DHX35: variants seen among roughly 807,000 people sequenced by gnomAD.
DHX35 encodes the protein DEAH-box helicase 35, also known as probable ATP-dependent RNA helicase DHX35.
Under a neutral mutation model 99.6 loss-of-function variants are expected in DHX35, and 84 were observed. The ratio of observed to expected loss-of-function variants is 0.84; its 90% CI spans 0.71 to 1.01. DHX35 has a LOEUF of 1.01. DHX35 is among the 50% of genes least tolerant of loss of function. The probability of loss-of-function intolerance (pLI) is 0.00; values close to 1 mark genes in which losing one functional copy is unlikely to be tolerated. For missense variants in DHX35, 852 were observed against 888.5 expected, an observed-to-expected ratio of 0.96 and a Z score of 0.52; for synonymous variants, 331 against 316.2, an observed-to-expected ratio of 1.05 and a Z score of -0.50.
rs147663690 is a variant in DHX35, at chr20:38,980,374, A to G, written c.268-3325A>G. Reference sequence around the variant, plus strand: ...GGCCTCTTTGTTTCCTCATCTGTGTATTGTTGATGATGATGTTACCTTCCT... The same window carrying G: ...GGCCTCTTTGTTTCCTCATCTGTGTGTTGTTGATGATGATGTTACCTTCCT... On this transcript the variant is annotated intron_variant, in intron 3 of 21. Transcript: ENST00000252011. Among the ~76,000 whole-genome samples the G allele has an allele frequency of 4.5e-3, 689 of 152,138 alleles. 20 individuals carry two copies. The highest frequency in any genetic ancestry group is 0.04 in the Admixed American group (610 of 15,270).
intron 13 of DHX35, among the ~76,000 whole-genome samples, chr20:39,013,121 T>C (rs1212210347): frequency 1.3e-5 from 2 of 151,806 alleles, no homozygotes; most frequent in Non-Finnish European, 2.9e-5. Flanking sequence ...TTTTGGACAG[T>C]TGAAAAATGA....
At chr20:39,019,744 C>T (rs1306853121) in intron 15 of DHX35, among the ~76,000 whole-genome samples, 4 of 152,114 alleles carry the variant, frequency 2.6e-5, no homozygotes, top group Non-Finnish European at 5.9e-5. Flanking sequence ...AAATTCTATT[C>T]TCTTAGCAAT....
chr20:39,017,406 C>G (rs2086804050), intron 14 of DHX35, among the ~76,000 whole-genome samples: 1 of 152,140 alleles, frequency 6.6e-6, no homozygotes, highest in Non-Finnish European at 1.5e-5. Context: ...AGCACATTTC[C>G]TGGGCTGATC....
Position 38,962,376 on chromosome 20 carries a change from G to A in DHX35, c.9G>A (p.Ala3=). 2 of 1,612,524 alleles carry A rather than the reference G, an allele frequency of 1.2e-6. No individual in the cohort carries two copies. Residue 3 remains alanine, a synonymous_variant, in exon 1 of 22, where the codon GCG becomes GCA. Coordinates refer to ENST00000252011, the MANE Select transcript of DHX35 (RefSeq NM_021931.4). ...TGACCTTTTACCCCAACATGGCTGC[G>A]CCCGTGGGACCGGTGAAGTTCTGGC... is the stretch of plus-strand genomic sequence containing the variant. MA[A]PVGPVKFWRP... is the part of the protein sequence containing the mutation.
At chr20:38,972,005 T>G (rs2086006708) in intron 2 of DHX35, among the ~76,000 whole-genome samples, 1 of 71,528 alleles carries the variant, frequency 1.4e-5, no homozygotes, top group Non-Finnish European at 2.7e-5. Context: ...TTTTGTTTTG[T>G]TTTTTTTTTT....
At position 38,988,923 on chromosome 20, in the gene DHX35, G is replaced by A. The variant is rs1263641395; in HGVS notation, c.450+6G>A. On this transcript the variant is annotated splice_donor_region_variant and intron_variant, in intron 5 of 21. Coordinates refer to ENST00000252011, the MANE Select transcript of DHX35 (RefSeq NM_021931.4). ...AGCTGGCCACGAGAATTAAGGTAAA[G>A]TGCTCAAGCTGCTTTTCCTAGTGGA... The A allele has an allele frequency of 6.2e-7, 1 of 1,611,014 alleles. No homozygotes were observed. Among genetic ancestry groups the A allele is most frequent in the East Asian group, 2.2e-5 (1 of 44,720 alleles).
intron 1 of DHX35, among the ~76,000 whole-genome samples, chr20:38,966,561 C>G (rs1029680944): frequency 6.6e-6 from 1 of 152,136 alleles, no homozygotes; most frequent in African/African-American, 2.4e-5. Flanking sequence ...CCCAGCTACT[C>G]GGGATGCCCA....
At chr20:39,014,309 C>G (rs2086748158) in intron 13 of DHX35, among the ~76,000 whole-genome samples, 1 of 152,176 alleles carries the variant, frequency 6.6e-6, no homozygotes, top group African/African-American at 2.4e-5. Flanking sequence ...CAGACTGAGG[C>G]TCACTACATC....
intron 15 of DHX35, among the ~76,000 whole-genome samples, chr20:39,019,436 A>G (rs560945532): frequency 1.3e-5 from 2 of 152,314 alleles, no homozygotes; most frequent in African/African-American, 4.8e-5. Context: ...GGTTGCTTCT[A>G]ACTTTTGGCT....
intron 20 of DHX35, among the ~76,000 whole-genome samples, chr20:39,031,135 C>T (rs990646169): frequency 1.3e-5 from 2 of 151,562 alleles, no homozygotes; most frequent in African/African-American, 4.9e-5. Context: ...GCACTCTAGC[C>T]TGGGTGACAG....
intron 12 of DHX35, among the ~76,000 whole-genome samples, chr20:39,007,565 G>T (rs1378188205): frequency 6.6e-6 from 1 of 152,190 alleles, no homozygotes; most frequent in Admixed American, 6.5e-5. Context: ...ATCCTTCTGG[G>T]GATTTGGGGA....
At chr20:38,989,835 T>A (rs964611543) in intron 5 of DHX35, among the ~76,000 whole-genome samples, 2 of 152,176 alleles carry the variant, frequency 1.3e-5, no homozygotes, top group Non-Finnish European at 2.9e-5. Flanking sequence ...ACAGGGTGTG[T>A]ACTACCTACC....
chr20:39,039,512 G>A lies in DHX35; in HGVS notation c.*969G>A, dbSNP rs2087211947. On this transcript the variant is annotated 3_prime_UTR_variant, in exon 22 of 22. Coordinates refer to ENST00000252011, the MANE Select transcript of DHX35 (RefSeq NM_021931.4). ...TGCATTTCAACACATGCCAGATGCA[G>A]ATTTTTTCCCCCTTACTGTTTCAAT... The A allele has an allele frequency of 6.6e-6, 1 of 152,382 alleles. No individual in the cohort carries two copies. Among genetic ancestry groups the A allele is most frequent in the Non-Finnish European group, 1.5e-5 (1 of 68,034 alleles). 9.4% of individuals were successfully genotyped at this position (152,382 alleles called of 1,614,324 possible). A position where few individuals can be genotyped will look rare whatever the true frequency, so the allele number is the denominator to read the frequency against.
intron 1 of DHX35, among the ~76,000 whole-genome samples, chr20:38,967,006 T>C (rs1264666218): frequency 6.6e-6 from 1 of 152,188 alleles, no homozygotes. Flanking sequence ...AAAAGCAACA[T>C]GACAGTGCCC....
chr20:38,970,604 C>G (rs1309336914), intron 2 of DHX35, among the ~76,000 whole-genome samples: 2 of 152,168 alleles, frequency 1.3e-5, no homozygotes, highest in Non-Finnish European at 2.9e-5. Flanking sequence ...CCTCACTTCT[C>G]CATTCTGAGC....
chr20:39,021,150 C>T (rs1304265741), intron 15 of DHX35, among the ~76,000 whole-genome samples: 2 of 152,162 alleles, frequency 1.3e-5, no homozygotes, highest in Non-Finnish European at 2.9e-5. Flanking sequence ...CTTGGGCTTC[C>T]CAGCTGAGAT....
intron 1 of DHX35, among the ~76,000 whole-genome samples, chr20:38,966,239 G>A (rs1393344000): frequency 5.9e-5 from 9 of 152,216 alleles, no homozygotes; most frequent in Admixed American, 5.9e-4. Context: ...TAGAGCGTAC[G>A]CTCAAGGAAA....
At position 38,983,753 on chromosome 20, in the gene DHX35, C is replaced by A. The variant is rs1340064780; in HGVS notation, c.322C>A (p.Pro108Thr). Reference sequence around the variant, plus strand: ...AGGAAGAGTGGTAGGAGTGACCCAGCCTCGAAGAGTGGCTGCTGTTACAGT... The same window carrying A: ...AGGAAGAGTGGTAGGAGTGACCCAGACTCGAAGAGTGGCTGCTGTTACAGT... Reference protein sequence around the residue: ...AEGRVVGVTQPRRVAAVTVAG... With the variant: ...AEGRVVGVTQTRRVAAVTVAG... The change falls in exon 4 of 22, where the codon CCT (proline) becomes ACT (threonine). Residue 108 changes from proline (P) to threonine (T), a missense_variant. By Grantham distance (38) the Pro-to-Thr change is conservative. Transcript: ENST00000252011. 1.2e-6 allele frequency: 2 copies of A among 1,613,862 alleles called. No homozygotes were observed. Among genetic ancestry groups the A allele is most frequent in the African/African-American group, 1.3e-5 (1 of 74,900 alleles).
chr20:39,018,664 G>T, intron 14 of DHX35, 140 bp from the exon 15 acceptor site: 2 of 787,128 alleles, frequency 2.5e-6, no homozygotes, highest in Non-Finnish European at 4.1e-6. Context: ...AGTGTCAAAT[G>T]GAGTTTGGTG....
Sources: allele counts gnomAD v4.1 joint callset (sites outside exome capture counted in the v4.1 genomes callset), GRCh38; gene constraint gnomAD v4.1.1; transcripts MANE v1.5; gene names NCBI Gene and HGNC (gene_info 2026-07-23, HGNC 2026-07-21).